The following TNFAIP8L3 variants were observed in gnomAD, a reference collection of about 807,000 sequenced individuals.
TNFAIP8L3 encodes the protein tumor necrosis factor alpha-induced protein 8-like protein 3.
Under a neutral mutation model 11.8 loss-of-function variants are expected in TNFAIP8L3, and 7 were observed. The observed-to-expected ratio is 0.59, with a 90% confidence interval of 0.34 to 1.11. TNFAIP8L3 has a LOEUF of 1.11. TNFAIP8L3 is among the 50% of genes most tolerant of loss of function. The probability of loss-of-function intolerance (pLI) is 0.03; values close to 1 mark genes in which losing one functional copy is unlikely to be tolerated. For synonymous variants in TNFAIP8L3, 98 were observed against 103.8 expected (o/e 0.94, Z 0.34); for missense variants, 219 against 258.6 (o/e 0.85, Z 1.05).
intron 1 of TNFAIP8L3, among the ~76,000 whole-genome samples, chr15:51,085,125 T>C (rs2140977380): frequency 6.6e-6 from 1 of 152,108 alleles, no homozygotes; most frequent in East Asian, 1.9e-4. Context: ...CAGCGAATTA[T>C]GAAGTTAAAT....
At chr15:51,092,621 C>G (rs1013513029) in intron 1 of TNFAIP8L3, among the ~76,000 whole-genome samples, 1 of 152,236 alleles carries the variant, frequency 6.6e-6, no homozygotes, top group Non-Finnish European at 1.5e-5. Context: ...CAAATAGTGA[C>G]AGCTCACGAG....
In TNFAIP8L3 at chr15:51,094,613, G is replaced by A. The variant is rs1292476259; in HGVS notation, c.-18C>T. On this transcript the variant is annotated 5_prime_UTR_variant, in exon 1 of 2. Coordinates refer to ENST00000637513, the MANE Select transcript of TNFAIP8L3 (RefSeq NM_001311175.2). This position sits in a 1 kb window ranked among gnomAD's most constrained non-coding sequence, Gnocchi z 4.4. ...GAATCCATGCTGCGGGCTGCTGGCTGGGCGTCCACGGCCACCCGCCCGTCT... is the reference window on the plus strand; with the variant it reads ...GAATCCATGCTGCGGGCTGCTGGCTAGGCGTCCACGGCCACCCGCCCGTCT... 20 of 1,467,436 alleles carry A rather than the reference G, an allele frequency of 1.4e-5. No individual in the cohort carries two copies. The highest frequency in any genetic ancestry group is 2.9e-5 in the African/African-American group (2 of 68,456). The allele number at this position is 1,467,436 out of a possible 1,614,324, so 90.9% of individuals were successfully genotyped here.
At chr15:51,089,108 C>A (rs1403625018) in intron 1 of TNFAIP8L3, among the ~76,000 whole-genome samples, 2 of 152,038 alleles carry the variant, frequency 1.3e-5, no homozygotes, top group South Asian at 4.1e-4. Context: ...CCCCTTTTTT[C>A]CCTTGCCTTC....
At chr15:51,065,790 TAGTC>T (rs780821726) in intron 1 of TNFAIP8L3, among the ~76,000 whole-genome samples, 23 of 152,314 alleles carry the variant, frequency 1.5e-4, no homozygotes, top group African/African-American at 4.8e-4. Flanking sequence ...TTATTTGTAA[TAGTC>T]AGTACACATC....
chr15:51,098,053 A>G (rs1010098329), upstream of TNFAIP8L3, among the ~76,000 whole-genome samples: 11 of 152,340 alleles, frequency 7.2e-5, no homozygotes, highest in Non-Finnish European at 1.5e-4. Context: ...CTCATTGGTC[A>G]TTTCTTAACT....
At chr15:51,074,666 T>C (rs2065336813) in intron 1 of TNFAIP8L3, among the ~76,000 whole-genome samples, 1 of 152,174 alleles carries the variant, frequency 6.6e-6, no homozygotes. Context: ...CCCAACTGGC[T>C]GAAATAGTCG....
Position 51,057,685 on chromosome 15 carries a change from T to C in TNFAIP8L3, c.*196A>G, listed in dbSNP as rs1024328023. On this transcript the variant is annotated 3_prime_UTR_variant, in exon 2 of 2. Transcript: ENST00000637513. ...GGGCTTGCACACAGGTGATTTTAAG[T>C]AGAAACCTTGCTAGAAAGCTTGGAA... 1.8e-6 allele frequency: 1 copy of C among 556,550 alleles called. No individual in the cohort carries two copies. Among genetic ancestry groups the C allele is most frequent in the Non-Finnish European group, 3.1e-6 (1 of 323,808 alleles). The allele number at this position is 556,550 out of a possible 1,614,324, so 34.5% of individuals were successfully genotyped here. A position where few individuals can be genotyped will look rare whatever the true frequency, so the allele number is the denominator to read the frequency against.
intron 1 of TNFAIP8L3, among the ~76,000 whole-genome samples, chr15:51,078,641 G>A (rs1328147360): frequency 6.6e-6 from 1 of 151,762 alleles, no homozygotes; most frequent in Non-Finnish European, 1.5e-5. Context: ...ATCCATAACT[G>A]CTTGCCTGAT....
At chr15:51,102,012 C>T (rs1471188927) in intron 1 of TNFAIP8L3, among the ~76,000 whole-genome samples, 3 of 151,524 alleles carry the variant, frequency 2.0e-5, no homozygotes, top group Non-Finnish European at 4.4e-5. Context: ...CTAGTTAGAC[C>T]TCATTGATAC....
At chr15:51,060,059 C>G (rs1327157686) in intron 1 of TNFAIP8L3, among the ~76,000 whole-genome samples, 1 of 152,240 alleles carries the variant, frequency 6.6e-6, no homozygotes, top group African/African-American at 2.4e-5. Flanking sequence ...AATAAACACT[C>G]ATTGTGCAGA....
chr15:51,094,770 C>T lies in TNFAIP8L3; in HGVS notation c.-175G>A. 2 of 769,108 alleles carry T rather than the reference C, an allele frequency of 2.6e-6. No individual in the cohort carries two copies. Among genetic ancestry groups the T allele is most frequent in the East Asian group, 3.0e-4 (1 of 3,366 alleles). 47.6% of individuals were successfully genotyped at this position (769,108 alleles called of 1,614,324 possible). A position where few individuals can be genotyped will look rare whatever the true frequency, so the allele number is the denominator to read the frequency against. On this transcript the variant is annotated 5_prime_UTR_variant, in exon 1 of 2. Transcript: ENST00000637513. The surrounding 1 kb of genome is among the most constrained non-coding windows in gnomAD (Gnocchi z 4.4). Reference sequence around the variant, plus strand: ...GGGGGCGGCTCCGCAGAGGCGAGCGCCGCCGCGCCCCGCTCCCCGCGCCCG... The same window carrying T: ...GGGGGCGGCTCCGCAGAGGCGAGCGTCGCCGCGCCCCGCTCCCCGCGCCCG...
intron 1 of TNFAIP8L3, among the ~76,000 whole-genome samples, chr15:51,092,246 C>T (rs2065476962): frequency 6.6e-6 from 1 of 152,222 alleles, no homozygotes; most frequent in Admixed American, 6.5e-5. Flanking sequence ...CAAGAGGTCC[C>T]ACTCACTCTG....
chr15:51,083,551 C>T (rs961731540), intron 1 of TNFAIP8L3, among the ~76,000 whole-genome samples: 11 of 152,212 alleles, frequency 7.2e-5, no homozygotes, highest in African/African-American at 2.7e-4. Context: ...CGAGCAGCAG[C>T]GACGCTGAGT....
chr15:51,080,918 G>T (rs2065386899), intron 1 of TNFAIP8L3, among the ~76,000 whole-genome samples: 1 of 152,172 alleles, frequency 6.6e-6, no homozygotes, highest in African/African-American at 2.4e-5. Flanking sequence ...GGTTTGCCTT[G>T]GTCTAGAGCT....
chr15:51,083,479 C>G (rs1282361824), intron 1 of TNFAIP8L3, among the ~76,000 whole-genome samples: 1 of 152,166 alleles, frequency 6.6e-6, no homozygotes, highest in Non-Finnish European at 1.5e-5. Flanking sequence ...AGGTCAAGGA[C>G]AGAGGAAGGG....
chr15:51,065,656 T>C (rs369398828), intron 1 of TNFAIP8L3, among the ~76,000 whole-genome samples: 33 of 151,552 alleles, frequency 2.2e-4, no homozygotes, highest in African/African-American at 8.0e-4. Context: ...GATGTGGGAG[T>C]GGACAGGGTG....
At chr15:51,066,708 CA>C (rs1413133803) in intron 1 of TNFAIP8L3, among the ~76,000 whole-genome samples, 2 of 152,098 alleles carry the variant, frequency 1.3e-5, no homozygotes, top group Non-Finnish European at 1.5e-5. Context: ...ATATCCTTGA[CA>C]ATGATAAAAT....
chr15:51,093,934 C>G (rs1330614252), intron 1 of TNFAIP8L3, among the ~76,000 whole-genome samples: 1 of 152,190 alleles, frequency 6.6e-6, no homozygotes, highest in African/African-American at 2.4e-5. Flanking sequence ...AGTCGGGAGG[C>G]GCGCGCCCCT....
intron 1 of TNFAIP8L3, among the ~76,000 whole-genome samples, chr15:51,066,377 G>A (rs1161748612): frequency 6.6e-6 from 1 of 152,018 alleles, no homozygotes; most frequent in African/African-American, 2.4e-5. Context: ...TGGCCAGGCT[G>A]GTCTACGAAC....
Sources: gnomAD v4.1 joint callset for allele counts (sites outside exome capture counted in the v4.1 genomes callset) on GRCh38, gnomAD v4.1.1 for gene constraint, Gnocchi (gnomAD v3.1) non-coding constraint, MANE v1.5 for transcripts, NCBI Gene and HGNC (gene_info 2026-07-23, HGNC 2026-07-21) for gene names.